Variants in CACNA2D4 observed in about 807,000 individuals in gnomAD.
CACNA2D4 encodes the protein voltage-dependent calcium channel subunit alpha-2/delta-4.
In CACNA2D4, 157 loss-of-function variants were observed where a neutral mutation model predicts 163.8. That is an observed-to-expected ratio of 0.96 (90% CI 0.84 to 1.09). The LOEUF is 1.09. Ranked by LOEUF, CACNA2D4 falls within the 50% of genes least tolerant of loss-of-function variation. The pLI is 0.00. For synonymous variants in CACNA2D4, 598 were observed against 586.9 expected, an observed-to-expected ratio of 1.02 and a Z score of -0.27; for missense variants, 1,410 against 1,479.9, an observed-to-expected ratio of 0.95 and a Z score of 0.78.
chr12:1,800,198 T>C, intron 32 of CACNA2D4, 146 bp from the exon 33 acceptor site: 1 of 974,388 alleles, frequency 1.0e-6, no homozygotes, highest in Non-Finnish European at 1.6e-6. Context: ...GGTTGAGCAA[T>C]GAGGTCCCTC....
intron 26 of CACNA2D4, among the ~76,000 whole-genome samples, chr12:1,839,463 C>G (rs1864963241): frequency 6.6e-6 from 1 of 152,262 alleles, no homozygotes; most frequent in Admixed American, 6.5e-5. Flanking sequence ...TTGCTCTCAT[C>G]ATGTAAGCCA....
chr12:1,903,395 CA>C, intron 6 of CACNA2D4, among the ~76,000 whole-genome samples: 1 of 152,056 alleles, frequency 6.6e-6, no homozygotes. Context: ...AGCTTCTGCA[CA>C]GCAAAAGAAA....
chr12:1,889,858 G>C (rs1406712124), intron 6 of CACNA2D4, among the ~76,000 whole-genome samples: 1 of 152,152 alleles, frequency 6.6e-6, no homozygotes, highest in African/African-American at 2.4e-5. Flanking sequence ...CTTCAAGATG[G>C]CTGACTAGAG....
At chr12:1,855,497 G>A (rs1233499631) in intron 22 of CACNA2D4, among the ~76,000 whole-genome samples, 1 of 152,200 alleles carries the variant, frequency 6.6e-6, no homozygotes, top group Non-Finnish European at 1.5e-5. Flanking sequence ...TGTCACAGCT[G>A]CAAGACAAGG....
At chr12:1,837,025 A>C (rs12423378) in intron 26 of CACNA2D4, among the ~76,000 whole-genome samples, 18,304 of 152,228 alleles carry the variant, frequency 0.12, 1,229 homozygotes, top group South Asian at 0.14. Context: ...CCCTGGCCTG[A>C]CAGGCAGGTT....
At chr12:1,809,517 T>C in intron 29 of CACNA2D4, 1 of 702,864 alleles carries the variant, frequency 1.4e-6, no homozygotes, top group Non-Finnish European at 2.6e-6. Context: ...GGTGAATATA[T>C]CTGGATTTGC....
At chr12:1,807,817 A>T (rs993406771) in intron 29 of CACNA2D4, among the ~76,000 whole-genome samples, 23 of 152,130 alleles carry the variant, frequency 1.5e-4, no homozygotes, top group African/African-American at 5.1e-4. Context: ...GTGGGGGAGC[A>T]AGGGTGAGCC....
intron 19 of CACNA2D4, among the ~76,000 whole-genome samples, chr12:1,859,872 C>T (rs1206289817): frequency 2.0e-5 from 3 of 152,184 alleles, no homozygotes; most frequent in Admixed American, 1.3e-4. Context: ...TCTGAAGGGG[C>T]GGGGCTTGCC....
At chr12:1,886,163 T>TA (rs1263388790) in intron 8 of CACNA2D4, 60 bp downstream of exon 8, 1 of 1,591,156 alleles carries the variant, frequency 6.3e-7, no homozygotes, top group African/African-American at 1.3e-5. Context: ...GTCACCTTGG[T>TA]ACCTGTGTAT....
At chr12:1,887,900 C>T (rs984267252) in intron 6 of CACNA2D4, among the ~76,000 whole-genome samples, 11 of 152,198 alleles carry the variant, frequency 7.2e-5, no homozygotes, top group African/African-American at 1.4e-4. Context: ...GCCCTTCCTC[C>T]TCCACAGTGG....
At chr12:1,822,910 G>A (rs76821779) in intron 26 of CACNA2D4, among the ~76,000 whole-genome samples, 4,958 of 152,252 alleles carry the variant, frequency 0.033, 164 homozygotes, top group African/African-American at 0.074. Flanking sequence ...GCCACTCTCC[G>A]GGCTCCCTCT....
intron 25 of CACNA2D4, among the ~76,000 whole-genome samples, chr12:1,842,773 G>A (rs1339268304): frequency 6.6e-6 from 1 of 152,168 alleles, no homozygotes; most frequent in Non-Finnish European, 1.5e-5. Flanking sequence ...CCCTCCCTGG[G>A]GAGCCCAATG....
At chr12:1,816,482 CCCTCCCT>C (rs2154446094) in intron 26 of CACNA2D4, among the ~76,000 whole-genome samples, 1 of 152,234 alleles carries the variant, frequency 6.6e-6, no homozygotes, top group African/African-American at 2.4e-5. Context: ...TGGGTCCCTT[CCCTCCCT>C]CCTGTCCTCC....
At chr12:1,826,411 C>CG (rs1555177866) in intron 26 of CACNA2D4, among the ~76,000 whole-genome samples, 3 of 102,628 alleles carry the variant, frequency 2.9e-5, no homozygotes, top group Admixed American at 1.0e-4. Flanking sequence ...CCCCCCCCCC[C>CG]CCCCCGCCAA....
At chr12:1,905,223 T>A (rs1016277604) in intron 6 of CACNA2D4, among the ~76,000 whole-genome samples, 1 of 152,032 alleles carries the variant, frequency 6.6e-6, no homozygotes, top group Non-Finnish European at 1.5e-5. Context: ...GATATAAAAA[T>A]CATATATGGA....
In CACNA2D4 at chr12:1,878,344, T is replaced by C. The variant is rs1303672604; in HGVS notation, c.1690A>G (p.Ile564Val). ...GGCCGGAGGTCGGGATGGGAGAGGA[T>C]GTAGCCATTGTTGGTGTTCAGAAAG... ...YAFLNTNNGYILSHPDLRPLY... is the reference protein window; with the variant it reads ...YAFLNTNNGYVLSHPDLRPLY... The change falls in exon 16 of 38, where the codon ATC (isoleucine) becomes GTC (valine). Residue 564 changes from isoleucine to valine, a missense_variant. Ile to Val is a conservative substitution (Grantham distance 29). Coordinates refer to ENST00000382722, the MANE Select transcript of CACNA2D4 (RefSeq NM_172364.5). This position sits in a 1 kb window ranked among gnomAD's most constrained non-coding sequence, Gnocchi z 4.6. 2 of 1,609,798 alleles carry C rather than the reference T, an allele frequency of 1.2e-6. No individual in the cohort carries two copies. Among genetic ancestry groups the C allele is most frequent in the Admixed American group, 1.7e-5 (1 of 59,556 alleles).
intron 26 of CACNA2D4, chr12:1,831,138 C>T (rs1385727306): frequency 6.2e-7 from 1 of 1,614,020 alleles, no homozygotes; most frequent in African/African-American, 1.3e-5. Context: ...TTTCGCCAAC[C>T]TCTCCAGCCT....
chr12:1,908,529 C>A (rs1350201733), intron 4 of CACNA2D4, among the ~76,000 whole-genome samples: 2 of 152,046 alleles, frequency 1.3e-5, no homozygotes, highest in Non-Finnish European at 2.9e-5. Context: ...TGTTGGAGGG[C>A]GTGCTAGGAT....
In CACNA2D4 at chr12:1,901,806, T is replaced by C. The variant is rs540291965; in HGVS notation, c.781+5634A>G. ...ACTGATACCAATCCTACTCAAACTA[T>C]TATGAAAAATAGAGGAGAAGGAAAT... On this transcript the variant is annotated intron_variant, in intron 6 of 37. Transcript: ENST00000382722. Among the ~76,000 whole-genome samples the C allele has an allele frequency of 1.4e-4, 22 of 152,140 alleles. No individual in the cohort carries two copies. The South Asian group carries it at 4.4e-3, about 30-fold the overall frequency.
Sources: gnomAD v4.1 joint callset for allele counts (sites outside exome capture counted in the v4.1 genomes callset) on GRCh38, gnomAD v4.1.1 for gene constraint, Gnocchi (gnomAD v3.1) non-coding constraint, MANE v1.5 for transcripts, NCBI Gene and HGNC (gene_info 2026-07-23, HGNC 2026-07-21) for gene names.